Variants in GPR158 observed in about 807,000 individuals in gnomAD.
The protein encoded by GPR158 is metabotropic glycine receptor.
Under a neutral mutation model 78.2 loss-of-function variants are expected in GPR158, and 30 were observed. That is an observed-to-expected ratio of 0.38 (90% CI 0.29 to 0.52). The LOEUF is 0.52. Ranked by LOEUF, GPR158 falls within the 20% of genes least tolerant of loss-of-function variation. GPR158 has a pLI of 0.83. For synonymous variants in GPR158, 581 were observed against 591.1 expected (o/e 0.98, Z 0.25); for missense variants, 1,463 against 1,523.5 (o/e 0.96, Z 0.66).
intron 2 of GPR158, among the ~76,000 whole-genome samples, chr10:25,338,576 A>G (rs904559049): frequency 6.8e-6 from 1 of 146,642 alleles, no homozygotes; most frequent in African/African-American, 2.5e-5. Flanking sequence ...ATATTATTAT[A>G]TATAATACAT....
intron 1 of GPR158, among the ~76,000 whole-genome samples, chr10:25,191,380 A>G (rs1357063734): frequency 6.6e-6 from 1 of 152,212 alleles, no homozygotes; most frequent in Non-Finnish European, 1.5e-5. Context: ...ATAAAGGTTA[A>G]TTTATGTTCA....
chr10:25,437,016 G>A (rs76214879), intron 4 of GPR158, among the ~76,000 whole-genome samples: 4,821 of 152,210 alleles, frequency 0.032, 114 homozygotes, highest in Middle Eastern at 0.058. Context: ...AGAGGGAGTT[G>A]TTGACAGTAG....
At chr10:25,204,266 C>G (rs1250966401) in intron 1 of GPR158, among the ~76,000 whole-genome samples, 2 of 152,108 alleles carry the variant, frequency 1.3e-5, no homozygotes, top group African/African-American at 2.4e-5. Context: ...GCCTGATTGC[C>G]CTGGCCAGAA....
At chr10:25,590,289 A>C (rs34136900) in intron 8 of GPR158, among the ~76,000 whole-genome samples, 8,613 of 152,274 alleles carry the variant, frequency 0.057, 278 homozygotes, top group Admixed American at 0.087. Context: ...CTCCATCAAG[A>C]GGCCAGGAAT....
intron 2 of GPR158, among the ~76,000 whole-genome samples, chr10:25,334,625 A>G (rs1483092664): frequency 6.6e-6 from 1 of 152,022 alleles, no homozygotes; most frequent in Non-Finnish European, 1.5e-5. Flanking sequence ...AAAACTTGAG[A>G]ACTAGATTCT....
intron 2 of GPR158, among the ~76,000 whole-genome samples, chr10:25,256,551 G>C (rs1402063963): frequency 6.6e-6 from 1 of 151,920 alleles, no homozygotes; most frequent in East Asian, 1.9e-4. Context: ...CATGTCCTGT[G>C]GTCCTAGGAA....
intron 6 of GPR158, among the ~76,000 whole-genome samples, chr10:25,552,387 G>A (rs918850043): frequency 6.6e-6 from 1 of 152,116 alleles, no homozygotes; most frequent in African/African-American, 2.4e-5. Context: ...CAAAGAAAAG[G>A]AGAAATCAAT....
At chr10:25,373,460 A>T (rs1211108029) in intron 2 of GPR158, among the ~76,000 whole-genome samples, 3 of 151,956 alleles carry the variant, frequency 2.0e-5, no homozygotes. Flanking sequence ...GATGAGATTT[A>T]AATCTACCGT....
chr10:25,191,276 C>T (rs1852767629), intron 1 of GPR158, among the ~76,000 whole-genome samples: 1 of 152,096 alleles, frequency 6.6e-6, no homozygotes, highest in Non-Finnish European at 1.5e-5. Flanking sequence ...AAAATGAGAC[C>T]AAGGGAGTTG....
intron 5 of GPR158, among the ~76,000 whole-genome samples, chr10:25,509,592 T>A (rs1339925297): frequency 6.6e-6 from 1 of 152,248 alleles, no homozygotes. Context: ...CTGAAACATA[T>A]ACACCTATGT....
At chr10:25,487,264 CA>C (rs562442304) in intron 5 of GPR158, among the ~76,000 whole-genome samples, 48 of 151,998 alleles carry the variant, frequency 3.2e-4, no homozygotes, top group African/African-American at 1.1e-3. Flanking sequence ...GCCTACAAGA[CA>C]AAAAAACCCT....
At chr10:25,438,327 A>G (rs1835025224) in intron 4 of GPR158, among the ~76,000 whole-genome samples, 1 of 152,224 alleles carries the variant, frequency 6.6e-6, no homozygotes, top group South Asian at 2.1e-4. Context: ...TGAAGTTCTA[A>G]TCAAAGGAAG....
chr10:25,405,303 G>A (rs1834497884), intron 3 of GPR158, among the ~76,000 whole-genome samples: 1 of 151,758 alleles, frequency 6.6e-6, no homozygotes, highest in African/African-American at 2.4e-5. Flanking sequence ...CCCACACAAA[G>A]ACATTTCTAA....
chr10:25,236,191 T>C (rs1416515875), intron 2 of GPR158, among the ~76,000 whole-genome samples: 3 of 152,208 alleles, frequency 2.0e-5, no homozygotes, highest in African/African-American at 4.8e-5. Flanking sequence ...ATTTAAAAAG[T>C]ATTTGTAGTT....
At chr10:25,186,382 C>G (rs1462572930) in intron 1 of GPR158, among the ~76,000 whole-genome samples, 3 of 152,030 alleles carry the variant, frequency 2.0e-5, no homozygotes, top group Admixed American at 6.6e-5. Context: ...CAGAGCAGAA[C>G]TGAAGGAGAT....
chr10:25,362,143 C>T (rs951331353), intron 2 of GPR158, among the ~76,000 whole-genome samples: 1 of 151,866 alleles, frequency 6.6e-6, no homozygotes, highest in Non-Finnish European at 1.5e-5. Flanking sequence ...ATATATATGG[C>T]ATAAGGATCC....
At chr10:25,566,541 A>C (rs998385752) in intron 6 of GPR158, among the ~76,000 whole-genome samples, 1 of 152,040 alleles carries the variant, frequency 6.6e-6, no homozygotes. Flanking sequence ...TCTACCTTCA[A>C]TTAGAGAAAA....
chr10:25,287,815 T>A (rs1854374810), intron 2 of GPR158, among the ~76,000 whole-genome samples: 1 of 152,102 alleles, frequency 6.6e-6, no homozygotes, highest in African/African-American at 2.4e-5. Context: ...TTATTGGCTA[T>A]TTTTATTGTA....
At chr10:25,224,699 A>G (rs1853349217) in intron 2 of GPR158, among the ~76,000 whole-genome samples, 1 of 152,078 alleles carries the variant, frequency 6.6e-6, no homozygotes, top group East Asian at 1.9e-4. Flanking sequence ...AAGATTCCTC[A>G]CAAGGAGAAA....
Sources: allele counts gnomAD v4.1 joint callset (sites outside exome capture counted in the v4.1 genomes callset), GRCh38; gene constraint gnomAD v4.1.1; transcripts MANE v1.5; gene names NCBI Gene and HGNC (gene_info 2026-07-23, HGNC 2026-07-21).